The following EXPH5 variants were observed in gnomAD, a reference collection of about 807,000 sequenced individuals.
EXPH5 encodes exophilin 5.
A neutral mutation model predicts 41.1 loss-of-function variants in EXPH5; 42 were observed. The observed-to-expected ratio is 1.02, with a 90% CI of 0.80 to 1.32. The LOEUF (loss-of-function observed/expected upper bound fraction) is 1.32, where lower values mean the gene tolerates loss of function less well. Ranked by LOEUF, EXPH5 falls within the 40% of genes most tolerant of loss-of-function variation. EXPH5 has a pLI of 0.00. For missense variants in EXPH5, 2,298 were observed against 2,314.5 expected, an observed-to-expected ratio of 0.99 and a Z score of 0.15; for synonymous variants, 798 against 833.5, an observed-to-expected ratio of 0.96 and a Z score of 0.73.
chr11:108,513,022 A>G lies in EXPH5; in HGVS notation c.2485T>C (p.Cys829Arg), dbSNP rs751483717. The G allele has an allele frequency of 1.2e-6, 2 of 1,613,946 alleles. No individual in the cohort carries two copies. Among genetic ancestry groups the G allele is most frequent in the African/African-American group, 2.7e-5 (2 of 74,928 alleles). The change falls in exon 6 of 6, where the codon TGT (cysteine) becomes CGT (arginine). Residue 829 changes from cysteine (C) to arginine (R), a missense_variant. By Grantham distance (180) the Cys-to-Arg change is radical. Coordinates refer to ENST00000265843, the MANE Select transcript of EXPH5 (RefSeq NM_015065.3). ...TTATTTACAGTTAATTCCTGGTGAC[A>G]ACCTTGGTCTGTCCTGGGGAAAGAT... ...PPSFPRTDQG[C>R]HQELTVNNED...
Position 108,510,933 on chromosome 11 carries a change from G to C in EXPH5, c.4574C>G (p.Ser1525Ter), listed in dbSNP as rs1417528663. The C allele has an allele frequency of 6.2e-7, 1 of 1,614,098 alleles. No homozygotes were observed. The highest frequency in any genetic ancestry group is 1.7e-5 in the Admixed American group (1 of 60,028). The change falls in exon 6 of 6, where the codon TCA becomes TGA. Residue 1525 changes from serine (S) to a stop codon, truncating the protein, a stop_gained. Coordinates refer to ENST00000265843, the MANE Select transcript of EXPH5 (RefSeq NM_015065.3). LOFTEE classifies it low-confidence loss of function (END_TRUNC). The part of the protein sequence containing the change: ...HKLQLGEETQ[S>*]DEPNLESLQS... Reference sequence around the variant, plus strand: ...CAGACTCTCTAAGTTTGGTTCATCTGACTGAGTCTCCTCACCAAGCTGTAG... The same window carrying C: ...CAGACTCTCTAAGTTTGGTTCATCTCACTGAGTCTCCTCACCAAGCTGTAG...
chr11:108,509,568 A>G lies in EXPH5; in HGVS notation c.5939T>C (p.Leu1980Pro), dbSNP rs2093662577. 6.3e-7 allele frequency: 1 copy of G among 1,575,976 alleles called. No individual in the cohort carries two copies. The highest frequency in any genetic ancestry group is 8.6e-7 in the Non-Finnish European group (1 of 1,167,260). Reference sequence around the variant, plus strand: ...TTCTGACTCTTTGTCATTTTCATCCAGGTAGTATTCATCATCTGTGGTTGT... The same window carrying G: ...TTCTGACTCTTTGTCATTTTCATCCGGGTAGTATTCATCATCTGTGGTTGT... ...TDTTTDDEYY[L>P]DENDKESEL is the part of the protein sequence containing the mutation. Residue 1980 changes from leucine (L) to proline (P), a missense_variant, in exon 6 of 6, where the codon CTG becomes CCG. By Grantham distance (98) the Leu-to-Pro change is moderately conservative (BLOSUM62 -3). Coordinates refer to ENST00000265843, the MANE Select transcript of EXPH5 (RefSeq NM_015065.3).
intron 1 of EXPH5, among the ~76,000 whole-genome samples, chr11:108,573,139 GGAAAGAAA>G (rs3054581): frequency 0.027 from 2,487 of 90,494 alleles, 38 homozygotes; most frequent in African/African-American, 0.036. Context: ...AAGGAAAGAA[GGAAAGAAA>G]GAAAGAAAGA....
intron 3 of EXPH5, among the ~76,000 whole-genome samples, chr11:108,533,421 T>A (rs886305377): frequency 6.6e-6 from 1 of 152,182 alleles, no homozygotes. Flanking sequence ...GCCAGACTAG[T>A]CTCGAACTTC....
At position 108,512,986 on chromosome 11, in the gene EXPH5, A is replaced by G; in HGVS notation, c.2521T>C (p.Ser841Pro). The change falls in exon 6 of 6, where the codon TCA (serine) becomes CCA (proline). Residue 841 changes from serine to proline, a missense_variant. Ser to Pro is a moderately conservative substitution (Grantham distance 74). Transcript: ENST00000265843. ...CAGTGGTTATTTGTAATAATTCTTG[A>G]AATATCTTCATTATTTACAGTTAAT... ...QELTVNNEDISRIITNNHWSS... is the reference protein window; with the variant it reads ...QELTVNNEDIPRIITNNHWSS... 1 of 1,613,588 alleles carries G rather than the reference A, an allele frequency of 6.2e-7. No homozygotes were observed. Among genetic ancestry groups the G allele is most frequent in the Non-Finnish European group, 8.5e-7 (1 of 1,179,776 alleles).
At chr11:108,544,736 G>T (rs2093929685) in intron 1 of EXPH5, among the ~76,000 whole-genome samples, 1 of 152,072 alleles carries the variant, frequency 6.6e-6, no homozygotes, top group South Asian at 2.1e-4. Flanking sequence ...AGAATCCTGG[G>T]AAAATGCATA....
At chr11:108,587,501 A>G (rs1326458047) in intron 1 of EXPH5, among the ~76,000 whole-genome samples, 1 of 152,208 alleles carries the variant, frequency 6.6e-6, no homozygotes, top group African/African-American at 2.4e-5. Flanking sequence ...ATAATCCTTG[A>G]CCACAAGGAA....
In EXPH5 at chr11:108,535,634, G is replaced by T. The variant is rs1022123294; in HGVS notation, c.443+3390C>A. ...GAGAACAGGAAAAAAAAAGTGATCT[G>T]CCCTTTTAATTTTCCAAAATAGAAT... On this transcript the variant is annotated intron_variant, in intron 3 of 5. Transcript: ENST00000265843. Among the ~76,000 whole-genome samples the T allele has an allele frequency of 2.6e-5, 4 of 152,148 alleles. No individual in the cohort carries two copies. In the East Asian group the frequency reaches 7.7e-4, roughly 29 times the overall value.
At chr11:108,593,152 C>A (rs946036394) in intron 1 of EXPH5, among the ~76,000 whole-genome samples, 3 of 152,246 alleles carry the variant, frequency 2.0e-5, no homozygotes, top group Admixed American at 6.5e-5. Flanking sequence ...GCCCCCGCAG[C>A]GCACGGACCC....
Position 108,509,180 on chromosome 11 carries a change from G to T in EXPH5, c.*357C>A. On this transcript the variant is annotated 3_prime_UTR_variant, in exon 6 of 6. Transcript: ENST00000265843. Reference sequence around the variant, plus strand: ...TGGGTAATTCATAAGTTTTGTATGTGCCTGGGATATTAGGGTTGTAAATCA... The same window carrying T: ...TGGGTAATTCATAAGTTTTGTATGTTCCTGGGATATTAGGGTTGTAAATCA... 1 of 176,730 alleles carries T rather than the reference G, an allele frequency of 5.7e-6. No individual in the cohort carries two copies. Among genetic ancestry groups the T allele is most frequent in the Non-Finnish European group, 1.2e-5 (1 of 83,914 alleles). The allele number at this position is 176,730 out of a possible 1,614,324, so 10.9% of individuals were successfully genotyped here.
chr11:108,512,232 G>T lies in EXPH5; in HGVS notation c.3275C>A (p.Ala1092Glu). 4 of 1,606,154 alleles carry T rather than the reference G, an allele frequency of 2.5e-6. No homozygotes were observed. Among genetic ancestry groups the T allele is most frequent in the South Asian group, 2.2e-5 (2 of 89,366 alleles). ...TGTCATTCTCTCTGTGGCTTCAGGTGCTTCCAGGGCTGAGTCTGAAAGGAC... is the reference window on the plus strand; with the variant it reads ...TGTCATTCTCTCTGTGGCTTCAGGTTCTTCCAGGGCTGAGTCTGAAAGGAC... Reference protein sequence around the residue: ...SKVLSDSALEAPEATERMTNV... With the variant: ...SKVLSDSALEEPEATERMTNV... The change falls in exon 6 of 6, where the codon GCA (alanine) becomes GAA (glutamate). Residue 1092 changes from alanine to glutamate, a missense_variant. Ala to Glu is a moderately radical substitution (Grantham distance 107). Transcript: ENST00000265843.
chr11:108,510,006 G>T lies in EXPH5; in HGVS notation c.5501C>A (p.Thr1834Asn), dbSNP rs1565765729. ...TSIDNALSRL[T>N]LGNEFSVNNG... ...GTTGACAGAGAATTCATTCCCAAGG[G>T]TCAGTCGACTCAGGGCATTGTCAAT... The change falls in exon 6 of 6, where the codon ACC becomes AAC. Residue 1834 changes from threonine to asparagine, a missense_variant. Transcript: ENST00000265843. The T allele has an allele frequency of 6.2e-7, 1 of 1,613,806 alleles. No individual in the cohort carries two copies.
the EXPH5 span, among the ~76,000 whole-genome samples, chr11:108,606,553 A>C: frequency 2.0e-5 from 3 of 152,240 alleles, no homozygotes; most frequent in African/African-American, 7.2e-5. Flanking sequence ...ATGGATTTTA[A>C]ATTTGGGCTC....
upstream of EXPH5, among the ~76,000 whole-genome samples, chr11:108,598,722 G>C (rs111990611): frequency 6.6e-6 from 1 of 152,088 alleles, no homozygotes; most frequent in African/African-American, 2.4e-5. Context: ...GCAGGAGAGA[G>C]ATTGGCAGGC....
Position 108,509,882 on chromosome 11 carries a change from C to T in EXPH5, c.5625G>A (p.Arg1875=), listed in dbSNP as rs115867994. ...TAGGTCTGTATATAGATATTGCAGACCTGGGACCTGTTTTTGTCCCGCTGC... is the reference window on the plus strand; with the variant it reads ...TAGGTCTGTATATAGATATTGCAGATCTGGGACCTGTTTTTGTCCCGCTGC... ...AYRSGTKTGP[R]SAISIYRPID... The change falls in exon 6 of 6, where the codon AGG becomes AGA. Residue 1875 remains arginine, a synonymous_variant. Coordinates refer to ENST00000265843, the MANE Select transcript of EXPH5 (RefSeq NM_015065.3). 2.0e-3 allele frequency: 3,269 copies of T among 1,609,088 alleles called. 58 individuals are homozygous for T. The African/African-American group carries it at 0.038, about 19-fold the overall frequency.
intron 1 of EXPH5, among the ~76,000 whole-genome samples, chr11:108,561,882 C>T (rs4437999): frequency 0.059 from 9,044 of 152,166 alleles, 878 homozygotes; most frequent in African/African-American, 0.2. Flanking sequence ...GAAAATCAGC[C>T]CTGGCAATGG....
At chr11:108,522,849 C>CT (rs1316062779) in intron 4 of EXPH5, among the ~76,000 whole-genome samples, 4 of 151,952 alleles carry the variant, frequency 2.6e-5, no homozygotes, top group Non-Finnish European at 5.9e-5. Context: ...GTTCAAACAC[C>CT]TTTTTTGCAG....
At position 108,512,817 on chromosome 11, in the gene EXPH5, G is replaced by A. The variant is rs1160346533; in HGVS notation, c.2690C>T (p.Ala897Val). The A allele has an allele frequency of 6.2e-7, 1 of 1,614,186 alleles. No individual in the cohort carries two copies. The highest frequency in any genetic ancestry group is 1.1e-5 in the South Asian group (1 of 91,088). The stretch of plus-strand genomic sequence containing the variant: ...CACTGTAGTAGATGGAACCACAGGA[G>A]CATCAAGGGAAGAATTCTTTGATGG... ...SSPSKNSSLD[A>V]PVVPSTTVFS... Residue 897 changes from alanine (A) to valine (V), a missense_variant, in exon 6 of 6, where the codon GCT (alanine) becomes GTT (valine). Ala to Val is a moderately conservative substitution (Grantham distance 64, BLOSUM62 0). Transcript: ENST00000265843.
chr11:108,581,312 G>GA (rs1159589268), intron 1 of EXPH5, among the ~76,000 whole-genome samples: 352 of 146,558 alleles, frequency 2.4e-3, no homozygotes, highest in African/African-American at 7.5e-3. Flanking sequence ...TCAGAGAAAA[G>GA]AAAAAAATAT....
Sources: allele counts gnomAD v4.1 joint callset (sites outside exome capture counted in the v4.1 genomes callset), GRCh38; gene constraint gnomAD v4.1.1; transcripts MANE v1.5; gene names NCBI Gene and HGNC (gene_info 2026-07-23, HGNC 2026-07-21).